The following ARHGAP6 variants were observed in gnomAD, a reference collection of about 807,000 sequenced individuals.
ARHGAP6 encodes rho GTPase-activating protein 6.
In ARHGAP6, 16 loss-of-function variants were observed where a neutral mutation model predicts 55.7. The observed-to-expected ratio is 0.29, with a 90% confidence interval of 0.19 to 0.44. The LOEUF (loss-of-function observed/expected upper bound fraction) is 0.44, where lower values mean the gene tolerates loss of function less well. Ranked by LOEUF, ARHGAP6 falls within the 20% of genes least tolerant of loss-of-function variation. The pLI, the probability that ARHGAP6 is intolerant of heterozygous loss-of-function variation, is 1.00. For synonymous variants in ARHGAP6, 382 were observed against 360.9 expected (o/e 1.06, Z -0.66); for missense variants, 698 against 808.9 (o/e 0.86, Z 1.66).
chrX:11,361,250 A>G (rs1603128951), intron 1 of ARHGAP6, among the ~76,000 whole-genome samples: 2 of 109,801 alleles, frequency 1.8e-5, no homozygotes, highest in East Asian at 5.7e-4. Flanking sequence ...CTGACTTCAA[A>G]CTATACTACA....
chrX:11,274,746 A>G (rs752664311), intron 1 of ARHGAP6, among the ~76,000 whole-genome samples: 38 of 111,017 alleles, frequency 3.4e-4, no homozygotes, highest in Non-Finnish European at 4.2e-4. Flanking sequence ...TAAGCCCAGC[A>G]TGTATTAGCT....
intron 1 of ARHGAP6, among the ~76,000 whole-genome samples, chrX:11,470,529 G>A (rs2050337476): frequency 8.9e-6 from 1 of 112,498 alleles, no homozygotes; most frequent in Non-Finnish European, 1.9e-5. Context: ...TTTAGAATTA[G>A]CTTCACTGCC....
At chrX:11,428,305 G>A (rs1045941326) in intron 1 of ARHGAP6, among the ~76,000 whole-genome samples, 3 of 111,536 alleles carry the variant, frequency 2.7e-5, no homozygotes, top group South Asian at 3.8e-4. Context: ...GAACTGCTGC[G>A]GGGACAAGGC....
chrX:11,335,169 C>A, intron 1 of ARHGAP6: 1 of 145,392 alleles, frequency 6.9e-6, no homozygotes, highest in South Asian at 2.1e-4. Flanking sequence ...AAGGCTGGTT[C>A]TGCAGATGCC....
At chrX:11,271,542 C>T (rs2047694091) in intron 1 of ARHGAP6, among the ~76,000 whole-genome samples, 1 of 111,854 alleles carries the variant, frequency 8.9e-6, no homozygotes, top group Non-Finnish European at 1.9e-5. Flanking sequence ...CATGCGACTT[C>T]ATAAACATAT....
chrX:11,182,468 C>T (rs191173701), intron 5 of ARHGAP6, among the ~76,000 whole-genome samples: 130 of 111,339 alleles, frequency 1.2e-3, no homozygotes, highest in African/African-American at 3.5e-3. Flanking sequence ...TTATTAATTT[C>T]TAAAAGATAT....
intron 1 of ARHGAP6, chrX:11,290,478 A>T (rs1370057329): frequency 6.3e-6 from 2 of 314,980 alleles, no homozygotes; most frequent in Non-Finnish European, 1.2e-5. Flanking sequence ...TACAACTCCA[A>T]CTCTACCCCA....
intron 1 of ARHGAP6, among the ~76,000 whole-genome samples, chrX:11,359,035 A>G (rs942221312): frequency 6.2e-5 from 7 of 112,293 alleles, no homozygotes; most frequent in African/African-American, 2.3e-4. Flanking sequence ...AGAATTCTGT[A>G]TGTAAAAAAA....
intron 1 of ARHGAP6, among the ~76,000 whole-genome samples, chrX:11,640,433 T>G (rs2052462141): frequency 8.9e-6 from 1 of 112,196 alleles, no homozygotes; most frequent in Non-Finnish European, 1.9e-5. Context: ...AAAGTCATAG[T>G]GTTTCCAAAA....
At chrX:11,172,059 TGGGTGCCCA>T (rs2046099360) in intron 8 of ARHGAP6, among the ~76,000 whole-genome samples, 1 of 111,287 alleles carries the variant, frequency 9.0e-6, no homozygotes, top group Non-Finnish European at 1.9e-5. Context: ...GAGAAACACC[TGGGTGCCCA>T]GCATAGAATT....
chrX:11,415,851 T>C (rs997713828), intron 1 of ARHGAP6, among the ~76,000 whole-genome samples: 11 of 111,955 alleles, frequency 9.8e-5, no homozygotes, highest in African/African-American at 3.6e-4. Context: ...CTTTGGCCTC[T>C]GGTCAAACAG....
chrX:11,480,266 A>G (rs1170277102), intron 1 of ARHGAP6, among the ~76,000 whole-genome samples: 1 of 112,300 alleles, frequency 8.9e-6, no homozygotes, highest in Non-Finnish European at 1.9e-5. Flanking sequence ...CAAAAAGAAT[A>G]AAGTATAGAT....
At chrX:11,474,122 C>T (rs1442652106) in intron 1 of ARHGAP6, among the ~76,000 whole-genome samples, 1 of 110,977 alleles carries the variant, frequency 9.0e-6, no homozygotes, top group Non-Finnish European at 1.9e-5. Flanking sequence ...TGAGCCTTTG[C>T]ATGTTCTGAT....
chrX:11,662,624 T>A (rs1386660182), intron 1 of ARHGAP6, among the ~76,000 whole-genome samples: 1 of 112,534 alleles, frequency 8.9e-6, no homozygotes, highest in African/African-American at 3.2e-5. Context: ...AGAAGATAAT[T>A]TGCAACAAGT....
chrX:11,416,354 CCTTT>C (rs893834860), intron 1 of ARHGAP6, among the ~76,000 whole-genome samples: 5 of 111,289 alleles, frequency 4.5e-5, no homozygotes, highest in African/African-American at 1.6e-4. Flanking sequence ...AAATGTTCTT[CCTTT>C]CTAATAAATA....
intron 1 of ARHGAP6, among the ~76,000 whole-genome samples, chrX:11,494,524 A>T (rs984015427): frequency 2.7e-5 from 3 of 112,844 alleles, no homozygotes; most frequent in Non-Finnish European, 5.6e-5. Context: ...CAAATCAACA[A>T]CAGCAAATTA....
rs181040397 is a variant in ARHGAP6, at chrX:11,534,019, T to C, written c.588+130222A>G. Among the ~76,000 whole-genome samples the C allele has an allele frequency of 2.0e-4, 22 of 111,629 alleles. No individual in the cohort carries two copies. In the East Asian group the frequency reaches 5.4e-3, roughly 27 times the overall value. ...TGGAGAAAGAACTGGAGGACTGAAGTGGTCAAGACTAGAGACTAGTTAGGT... is the reference window on the plus strand; with the variant it reads ...TGGAGAAAGAACTGGAGGACTGAAGCGGTCAAGACTAGAGACTAGTTAGGT... On this transcript the variant is annotated intron_variant, in intron 1 of 12. Transcript: ENST00000337414.
intron 1 of ARHGAP6, among the ~76,000 whole-genome samples, chrX:11,342,924 T>C (rs1014059748): frequency 8.9e-6 from 1 of 112,399 alleles, no homozygotes; most frequent in African/African-American, 3.2e-5. Context: ...ATAGACTGGA[T>C]GAATAATTGA....
At chrX:11,265,504 T>C (rs2047611224) in intron 1 of ARHGAP6, among the ~76,000 whole-genome samples, 1 of 111,931 alleles carries the variant, frequency 8.9e-6, no homozygotes, top group African/African-American at 3.2e-5. Context: ...ACATCATTAA[T>C]CTAAAAATAA....
Sources: allele counts gnomAD v4.1 joint callset (sites outside exome capture counted in the v4.1 genomes callset), GRCh38; gene constraint gnomAD v4.1.1; transcripts MANE v1.5; gene names NCBI Gene and HGNC (gene_info 2026-07-23, HGNC 2026-07-21).